COL16A1: variants seen among roughly 807,000 people sequenced by gnomAD.
COL16A1 encodes collagen alpha-1(XVI) chain.
A neutral mutation model predicts 266.3 loss-of-function variants in COL16A1; 189 were observed. The ratio of observed to expected loss-of-function variants is 0.71; its 90% CI spans 0.63 to 0.80. The LOEUF is 0.80. COL16A1 is among the 30% of genes least tolerant of loss of function. The pLI, the probability that COL16A1 is intolerant of heterozygous loss-of-function variation, is 0.00. For missense variants in COL16A1, 1,928 were observed against 2,122.4 expected, an observed-to-expected ratio of 0.91 and a Z score of 1.80; for synonymous variants, 740 against 782.3, an observed-to-expected ratio of 0.95 and a Z score of 0.90.
chr1:31,679,927 G>A (rs1643493042), intron 40 of COL16A1, 76 bp from the exon 41 acceptor site: 1 of 1,544,456 alleles, frequency 6.5e-7, no homozygotes, highest in South Asian at 1.2e-5. Flanking sequence ...GGCTGCGTGG[G>A]GAGGCGGCTG....
At position 31,699,861 on chromosome 1, in the gene COL16A1, C is replaced by G. The variant is rs369164705; in HGVS notation, c.218G>C (p.Gly73Ala). 8.1e-6 allele frequency: 13 copies of G among 1,613,942 alleles called. No individual in the cohort carries two copies. The highest frequency in any genetic ancestry group is 2.7e-5 in the African/African-American group (2 of 74,894). ...SAIKKIRNPK[G>A]PLILRLGAAP... ...CGCCCCCAGGCGCAGGATGAGAGGC[C>G]CCTTGGGGTTGCGGATCTTCTTGAT... is the stretch of plus-strand genomic sequence containing the variant. The change falls in exon 4 of 71, where the codon GGG (glycine) becomes GCG (alanine). Residue 73 changes from glycine to alanine, a missense_variant. Transcript: ENST00000373672.
Position 31,670,372 on chromosome 1 carries a change from A to G in COL16A1, c.3195+230T>C. The G allele has an allele frequency of 2.2e-6, 1 of 455,472 alleles. No homozygotes were observed. The highest frequency in any genetic ancestry group is 3.8e-6 in the Non-Finnish European group (1 of 260,990). The allele number at this position is 455,472 out of a possible 1,614,324, so 28.2% of individuals were successfully genotyped here. On this transcript the variant is annotated intron_variant, in intron 49 of 70. Coordinates refer to ENST00000373672, the MANE Select transcript of COL16A1 (RefSeq NM_001856.4). This position sits in a 1 kb window ranked among gnomAD's most constrained non-coding sequence, Gnocchi z 4.5. ...AACGGGGTAAGAGAGAGAAGAGGAG[A>G]GAAAGAACGCAGGAGAGGAGGGAGA...
In COL16A1 at chr1:31,683,346, C is replaced by T; in HGVS notation, c.2403G>A (p.Leu801=). ...GPQGEPGAPG[L]PGIQGLPGPR... is the part of the protein sequence containing the mutation. ...CAGGCAGACGTACCTGAATGCCAGG[C>T]AAACCCGGGGCTCCAGGCTCCCCCT... Residue 801 remains leucine (L), a synonymous_variant, in exon 35 of 71, where the codon TTG becomes TTA. Transcript: ENST00000373672. The T allele has an allele frequency of 1.2e-6, 2 of 1,614,188 alleles. No individual in the cohort carries two copies. The highest frequency in any genetic ancestry group is 1.7e-6 in the Non-Finnish European group (2 of 1,180,046).
At chr1:31,696,011 C>A in intron 9 of COL16A1, 77 bp downstream of exon 9, 1 of 1,336,306 alleles carries the variant, frequency 7.5e-7, no homozygotes, top group African/African-American at 1.4e-5. Flanking sequence ...GAGTGGAGCA[C>A]CTTATCCCTG....
At position 31,698,493 on chromosome 1, in the gene COL16A1, C is replaced by G; in HGVS notation, c.380G>C (p.Gly127Ala). The G allele has an allele frequency of 6.2e-7, 1 of 1,614,078 alleles. No individual in the cohort carries two copies. Among genetic ancestry groups the G allele is most frequent in the East Asian group, 2.2e-5 (1 of 44,876 alleles). ...WYLFQVTDAN[G>A]YPQISLEVNS... ...ACAGGGGAGGTTCACCTGTGGATACCCATTTGCATCGGTCACTTGAAACAG... is the reference window on the plus strand; with the variant it reads ...ACAGGGGAGGTTCACCTGTGGATACGCATTTGCATCGGTCACTTGAAACAG... The change falls in exon 5 of 71, where the codon GGG becomes GCG. Residue 127 changes from glycine (G) to alanine (A), a missense_variant. Around this residue, in one of 2 missense-constraint regions of COL16A1, gnomAD observed 1,552 missense variants for 1,637.2 expected, o/e 0.95. Transcript: ENST00000373672. The surrounding 1 kb of genome is among the most constrained non-coding windows in gnomAD (Gnocchi z 4.1).
Position 31,665,865 on chromosome 1 carries a change from T to A in COL16A1, c.3456+17A>T. 1.2e-6 allele frequency: 2 copies of A among 1,614,064 alleles called. No individual in the cohort carries two copies. Among genetic ancestry groups the A allele is most frequent in the Non-Finnish European group, 1.7e-6 (2 of 1,179,980 alleles). On this transcript the variant is annotated intron_variant, in intron 54 of 70. Transcript: ENST00000373672. The stretch of plus-strand genomic sequence containing the variant: ...CCTTCCCTGCCTCCCTGCAGCCAGG[T>A]CCCAGTCGTCACTCACCTGGTCGCC...
chr1:31,698,062 A>G lies in COL16A1; in HGVS notation c.501T>C (p.Arg167=), dbSNP rs756213271. 4.3e-6 allele frequency: 7 copies of G among 1,613,962 alleles called. No homozygotes were observed. The highest frequency in any genetic ancestry group is 5.9e-6 in the Non-Finnish European group (7 of 1,180,032). Residue 167 remains arginine (R), a synonymous_variant, in exon 6 of 71, where the codon CGT becomes CGC. Coordinates refer to ENST00000373672, the MANE Select transcript of COL16A1 (RefSeq NM_001856.4). The surrounding 1 kb of genome is among the most constrained non-coding windows in gnomAD (Gnocchi z 4.1). The part of the protein sequence containing the change: ...IFPVPQLFDL[R]WHKLMLSVAG... ...CCACACTCAGCATCAGCTTGTGCCA[A>G]CGCAAGTCGAAGAGCTGGGGCACTG... is the stretch of plus-strand genomic sequence containing the variant.
At chr1:31,658,819 C>A in intron 63 of COL16A1, 95 bp downstream of exon 63, 2 of 1,408,820 alleles carry the variant, frequency 1.4e-6, no homozygotes, top group Non-Finnish European at 2.0e-6. Flanking sequence ...ATGAGACAAA[C>A]TGTTCTCCAT....
chr1:31,665,119 T>G (rs938168434), intron 56 of COL16A1, 53 bp downstream of exon 56: 64 of 1,591,742 alleles, frequency 4.0e-5, no homozygotes, highest in Non-Finnish European at 5.4e-5. Flanking sequence ...GACAGGGGCA[T>G]GGGAGCTGCA....
At chr1:31,676,869 G>A (rs1251004493) in intron 42 of COL16A1, among the ~76,000 whole-genome samples, 6 of 152,216 alleles carry the variant, frequency 3.9e-5, no homozygotes, top group South Asian at 2.1e-4. Flanking sequence ...TTTCCTTGGC[G>A]CACTCTGAGA....
At chr1:31,681,951 T>C (rs1403427799) in intron 37 of COL16A1, among the ~76,000 whole-genome samples, 1 of 152,204 alleles carries the variant, frequency 6.6e-6, no homozygotes, top group Non-Finnish European at 1.5e-5. Flanking sequence ...CTCCTATCAG[T>C]GAATCCCAAA....
chr1:31,692,209 A>G (rs1644302075), intron 16 of COL16A1, 142 bp from the exon 17 acceptor site: 1 of 1,336,144 alleles, frequency 7.5e-7, no homozygotes, highest in African/African-American at 1.4e-5. Flanking sequence ...TCACCACGGG[A>G]GGGTAGACAA....
chr1:31,665,793 C>T, intron 54 of COL16A1, 89 bp downstream of exon 54: 1 of 1,605,390 alleles, frequency 6.2e-7, no homozygotes, highest in East Asian at 2.2e-5. Flanking sequence ...AACCCAAGGA[C>T]AGGTAGGGTG....
chr1:31,675,436 C>A, intron 42 of COL16A1, 125 bp from the exon 43 acceptor site: 1 of 1,395,710 alleles, frequency 7.2e-7, no homozygotes, highest in South Asian at 1.3e-5. Flanking sequence ...CCCTGGCTGG[C>A]ACAAGGCTGA....
At position 31,684,264 on chromosome 1, in the gene COL16A1, G is replaced by A. The variant is rs537977272; in HGVS notation, c.2161-33C>T. 1.7e-4 allele frequency: 243 copies of A among 1,455,542 alleles called. 1 individual carries two copies. In the East Asian group the frequency reaches 4.9e-3, roughly 29 times the overall value. 90.2% of individuals were successfully genotyped at this position (1,455,542 alleles called of 1,614,324 possible). A position where few individuals can be genotyped will look rare whatever the true frequency, so the allele number is the denominator to read the frequency against. On this transcript the variant is annotated intron_variant, in intron 31 of 70. Coordinates refer to ENST00000373672, the MANE Select transcript of COL16A1 (RefSeq NM_001856.4). ...GAGATGGGTACAGCCAGGAGCCCAT[G>A]AGCCGGGGCTGGCACCCAGGCCAGG...
In COL16A1 at chr1:31,688,434, TC is replaced by T. The variant is rs780675078; in HGVS notation, c.1803+32del. On this transcript the variant is annotated intron_variant, in intron 26 of 70. Transcript: ENST00000373672. This position sits in a 1 kb window ranked among gnomAD's most constrained non-coding sequence, Gnocchi z 4.9. ...CTCCCCTGCCTGCCTGCCAAGAAAC[TC>T]CAGTGTCCCTGACATCTAACCCAGG... is the stretch of plus-strand genomic sequence containing the variant. 6.2e-7 allele frequency: 1 copy of T among 1,613,790 alleles called. No homozygotes were observed.
rs906836254 is a variant in COL16A1, at chr1:31,657,675, C to G, written c.4021-607G>C. On this transcript the variant is annotated intron_variant, in intron 64 of 70. Transcript: ENST00000373672. This position sits in a 1 kb window ranked among gnomAD's most constrained non-coding sequence, Gnocchi z 6.4. The stretch of plus-strand genomic sequence containing the variant: ...CCCCACGGTCACTGCTGCTGCCCCC[C>G]AGAAAAAGTCTGCGTTGATGGAAAG... 6.6e-6 allele frequency among the ~76,000 whole-genome samples: 1 copy of G among 152,192 alleles called. No individual in the cohort carries two copies. Among genetic ancestry groups the G allele is most frequent in the Non-Finnish European group, 1.5e-5 (1 of 68,028 alleles).
In COL16A1 at chr1:31,653,633, GCCAATA is replaced by G. The variant is rs2148638525; in HGVS notation, c.4572_4577del (p.Gly1526_Ile1527del). 6.2e-7 allele frequency: 1 copy of G among 1,613,892 alleles called. No homozygotes were observed. The highest frequency in any genetic ancestry group is 8.5e-7 in the Non-Finnish European group (1 of 1,179,906). ...CGGGAAGACCATTTTCTCCTGCAAT[GCCAATA>G]CCAATGTCCCCTTTTTCACCTTTGG... On this transcript the variant is annotated inframe_deletion, in exon 70 of 71. Coordinates refer to ENST00000373672, the MANE Select transcript of COL16A1 (RefSeq NM_001856.4).
chr1:31,679,970 C>T (rs908881612), intron 40 of COL16A1, 72 bp downstream of exon 40: 1 of 1,595,044 alleles, frequency 6.3e-7, no homozygotes, highest in African/African-American at 1.3e-5. Context: ...GGCCTTTGCA[C>T]ACTGGGCACC....
Sources: gnomAD v4.1 joint callset for allele counts (sites outside exome capture counted in the v4.1 genomes callset) on GRCh38, gnomAD v4.1.1 for gene constraint, gnomAD v4.1.1 regional missense constraint, Gnocchi (gnomAD v3.1) non-coding constraint, MANE v1.5 for transcripts, NCBI Gene and HGNC (gene_info 2026-07-23, HGNC 2026-07-21) for gene names.